Variants in MPLKIP observed in about 807,000 individuals in gnomAD.
MPLKIP encodes the protein M-phase-specific PLK1-interacting protein.
In MPLKIP, 16 loss-of-function variants were observed where a neutral mutation model predicts 16.9. The ratio of observed to expected loss-of-function variants is 0.94; its 90% CI spans 0.64 to 1.43. MPLKIP has a LOEUF of 1.43. MPLKIP is among the 40% of genes most tolerant of loss of function. The pLI, the probability that MPLKIP is intolerant of heterozygous loss-of-function variation, is 0.00. For synonymous variants in MPLKIP, 126 were observed against 98.4 expected (o/e 1.28, Z -1.66); for missense variants, 282 against 237.6 (o/e 1.19, Z -1.23).
rs1191124879 is a variant in MPLKIP at position 40,133,228 on chromosome 7, G to A, written c.371C>T (p.Ser124Leu). Reference sequence around the variant, plus strand: ...CATTCTTTTTTCTCTAACACGCCCTGATCCAAATGGTGTAGATGTCCTTGG... The same window carrying A: ...CATTCTTTTTTCTCTAACACGCCCTAATCCAAATGGTGTAGATGTCCTTGG... ...GSPRTSTPFG[S>L]GRVREKRMSN... is the part of the protein sequence containing the mutation. The change falls in exon 2 of 2, where the codon TCA becomes TTA. Residue 124 changes from serine to leucine, a missense_variant. Ser to Leu is a moderately radical substitution (Grantham distance 145, BLOSUM62 -2). Coordinates refer to ENST00000306984, the MANE Select transcript of MPLKIP (RefSeq NM_138701.4). 1 of 1,613,356 alleles carries A rather than the reference G, an allele frequency of 6.2e-7. No homozygotes were observed. The highest frequency in any genetic ancestry group is 8.5e-7 in the Non-Finnish European group (1 of 1,179,924).
rs1787404863 is a variant in MPLKIP, at chr7:40,127,349, G to C, written c.*5710C>G. The C allele has an allele frequency of 6.6e-6, 1 of 152,184 alleles. No homozygotes were observed. Among genetic ancestry groups the C allele is most frequent in the South Asian group, 2.1e-4 (1 of 4,824 alleles). 9.4% of individuals were successfully genotyped at this position (152,184 alleles called of 1,614,324 possible). The stretch of plus-strand genomic sequence containing the variant: ...GAATTGCTTGAACCCGGGAGGTGGA[G>C]GTTGCAGTGAGGCGAGATCACGCCA... On this transcript the variant is annotated 3_prime_UTR_variant, in exon 2 of 2. Coordinates refer to ENST00000306984, the MANE Select transcript of MPLKIP (RefSeq NM_138701.4).
chr7:40,133,000 T>G lies in MPLKIP; in HGVS notation c.*59A>C. 2 of 1,472,874 alleles carry G rather than the reference T, an allele frequency of 1.4e-6. No homozygotes were observed. The highest frequency in any genetic ancestry group is 1.9e-6 in the Non-Finnish European group (2 of 1,058,290). The allele number at this position is 1,472,874 out of a possible 1,614,324, so 91.2% of individuals were successfully genotyped here. A position where few individuals can be genotyped will look rare whatever the true frequency, so the allele number is the denominator to read the frequency against. ...TTGGGTAAATTTATATCAACACAACTTAAAGTTTTGTCCAAGATGTTCCTG... is the reference window on the plus strand; with the variant it reads ...TTGGGTAAATTTATATCAACACAACGTAAAGTTTTGTCCAAGATGTTCCTG... On this transcript the variant is annotated 3_prime_UTR_variant, in exon 2 of 2. Transcript: ENST00000306984.
In MPLKIP at chr7:40,134,277, G is replaced by C. The variant is rs765479830; in HGVS notation, c.291C>G (p.Ser97=). The change falls in exon 1 of 2, where the codon TCC becomes TCG. Residue 97 remains serine (S), a synonymous_variant. Transcript: ENST00000306984. ...CTGGGGAGTAGCCGAATTGCTGCTGGGACCCCGCGGGGGACCTGGAGTAGG... is the reference window on the plus strand; with the variant it reads ...CTGGGGAGTAGCCGAATTGCTGCTGCGACCCCGCGGGGGACCTGGAGTAGG... ...PGSYSRSPAG[S]QQQFGYSPGQ... 1 of 1,560,790 alleles carries C rather than the reference G, an allele frequency of 6.4e-7. No individual in the cohort carries two copies. Among genetic ancestry groups the C allele is most frequent in the Admixed American group, 1.9e-5 (1 of 52,170 alleles).
rs1787452780 is a variant in MPLKIP at position 40,130,950 on chromosome 7, A to G, written c.*2109T>C. The G allele has an allele frequency of 6.6e-6, 1 of 152,192 alleles. No homozygotes were observed. Among genetic ancestry groups the G allele is most frequent in the African/African-American group, 2.4e-5 (1 of 41,438 alleles). 9.4% of individuals were successfully genotyped at this position (152,192 alleles called of 1,614,324 possible). A position where few individuals can be genotyped will look rare whatever the true frequency, so the allele number is the denominator to read the frequency against. ...CTACTATCTTGCAGACACTATTCTA[A>G]AAACTAAGGAAATGGGGGTAAATGA... On this transcript the variant is annotated 3_prime_UTR_variant, in exon 2 of 2. Coordinates refer to ENST00000306984, the MANE Select transcript of MPLKIP (RefSeq NM_138701.4).
rs1787421039 is a variant in MPLKIP at position 40,128,528 on chromosome 7, A to G, written c.*4531T>C. 6.6e-6 allele frequency: 1 copy of G among 152,260 alleles called. No individual in the cohort carries two copies. The highest frequency in any genetic ancestry group is 2.4e-5 in the African/African-American group (1 of 41,464). 9.4% of individuals were successfully genotyped at this position (152,260 alleles called of 1,614,324 possible). The stretch of plus-strand genomic sequence containing the variant: ...TAATGTTAGTATGTCAGAAGTAAAC[A>G]TGAAACTTTTAACTTCCTCCTCCTT... On this transcript the variant is annotated 3_prime_UTR_variant, in exon 2 of 2. Transcript: ENST00000306984.
In MPLKIP at chr7:40,134,546, G is replaced by A. The variant is rs537469520; in HGVS notation, c.22C>T (p.Pro8Ser). 1 of 1,592,310 alleles carries A rather than the reference G, an allele frequency of 6.3e-7. No individual in the cohort carries two copies. MQRQNFR[P>S]PTPPYPGPGG... ...GGACCAGGGTAAGGAGGAGTTGGGG[G>A]CCGAAAATTCTGTCGCTGCATATCA... The change falls in exon 1 of 2, where the codon CCC (proline) becomes TCC (serine). Residue 8 changes from proline to serine, a missense_variant. Physicochemically the swap from Pro to Ser is moderately conservative, Grantham distance 74. Transcript: ENST00000306984.
chr7:40,134,619 T>A lies in MPLKIP; in HGVS notation c.-52A>T, dbSNP rs1248060470. On this transcript the variant is annotated 5_prime_UTR_variant, in exon 1 of 2. Transcript: ENST00000306984. Reference sequence around the variant, plus strand: ...CAGCCGCGTTCTCCCACCGGAACTGTATCAACCGGCCCTCCGCAGAGAACT... The same window carrying A: ...CAGCCGCGTTCTCCCACCGGAACTGAATCAACCGGCCCTCCGCAGAGAACT... 6 of 1,523,842 alleles carry A rather than the reference T, an allele frequency of 3.9e-6. No individual in the cohort carries two copies. The highest frequency in any genetic ancestry group is 1.4e-5 in the African/African-American group (1 of 73,002). 94.4% of individuals were successfully genotyped at this position (1,523,842 alleles called of 1,614,324 possible). A position where few individuals can be genotyped will look rare whatever the true frequency, so the allele number is the denominator to read the frequency against.
Position 40,131,910 on chromosome 7 carries a change from GT to G in MPLKIP, c.*1148del, listed in dbSNP as rs1205795009. 6.6e-6 allele frequency: 1 copy of G among 151,708 alleles called. No homozygotes were observed. Among genetic ancestry groups the G allele is most frequent in the Non-Finnish European group, 1.5e-5 (1 of 68,010 alleles). The allele number at this position is 151,708 out of a possible 1,614,324, so 9.4% of individuals were successfully genotyped here. A position where few individuals can be genotyped will look rare whatever the true frequency, so the allele number is the denominator to read the frequency against. ...AAAATACAAAAATTAGCCAGGCATG[GT>G]GACATGTGCCTGTAGTCCCAGCTAC... On this transcript the variant is annotated 3_prime_UTR_variant, in exon 2 of 2. Coordinates refer to ENST00000306984, the MANE Select transcript of MPLKIP (RefSeq NM_138701.4).
chr7:40,133,444 A>G (rs1338133845), intron 1 of MPLKIP, among the ~76,000 whole-genome samples, 185 bp from the exon 2 acceptor site: 1 of 152,212 alleles, frequency 6.6e-6, no homozygotes, highest in Non-Finnish European at 1.5e-5. Context: ...AAGTACTTAA[A>G]GCAATTCGTT....
At position 40,133,048 on chromosome 7, in the gene MPLKIP, T is replaced by C. The variant is rs1280966455; in HGVS notation, c.*11A>G. 5 of 1,612,434 alleles carry C rather than the reference T, an allele frequency of 3.1e-6. No individual in the cohort carries two copies. Among genetic ancestry groups the C allele is most frequent in the Non-Finnish European group, 4.2e-6 (5 of 1,178,868 alleles). On this transcript the variant is annotated 3_prime_UTR_variant, in exon 2 of 2. Coordinates refer to ENST00000306984, the MANE Select transcript of MPLKIP (RefSeq NM_138701.4). ...CTGACACATGAAGCTTCCAGTTGAA[T>C]TTCAGAAATGTTAACAAAAGTATCT...
rs1012265955 is a variant in MPLKIP at position 40,132,401 on chromosome 7, G to A, written c.*658C>T. 5.9e-5 allele frequency: 9 copies of A among 153,162 alleles called. No homozygotes were observed. The highest frequency in any genetic ancestry group is 1.4e-4 in the African/African-American group (6 of 41,458). The allele number at this position is 153,162 out of a possible 1,614,324, so 9.5% of individuals were successfully genotyped here. On this transcript the variant is annotated 3_prime_UTR_variant, in exon 2 of 2. Transcript: ENST00000306984. Reference sequence around the variant, plus strand: ...GAAACTAACTCCATAATGCTAAGAGGTATAGAGAAATTCAGATAGAACACT... The same window carrying A: ...GAAACTAACTCCATAATGCTAAGAGATATAGAGAAATTCAGATAGAACACT...
chr7:40,133,365 T>C (rs1265077948), intron 1 of MPLKIP, 106 bp from the exon 2 acceptor site: 5 of 975,988 alleles, frequency 5.1e-6, no homozygotes, highest in South Asian at 1.3e-5. Context: ...AAGTTGTGAC[T>C]TGAACCTAAA....
rs1787466813 is a variant in MPLKIP, at chr7:40,131,821, G to C, written c.*1238C>G. 1 of 152,124 alleles carries C rather than the reference G, an allele frequency of 6.6e-6. No homozygotes were observed. Among genetic ancestry groups the C allele is most frequent in the Admixed American group, 6.5e-5 (1 of 15,274 alleles). The allele number at this position is 152,124 out of a possible 1,614,324, so 9.4% of individuals were successfully genotyped here. A position where few individuals can be genotyped will look rare whatever the true frequency, so the allele number is the denominator to read the frequency against. ...CCACTGCACTCCAGCGTGGGCAACA[G>C]AGTGAGACCCTATTTCAAAAACAAA... On this transcript the variant is annotated 3_prime_UTR_variant, in exon 2 of 2. Coordinates refer to ENST00000306984, the MANE Select transcript of MPLKIP (RefSeq NM_138701.4).
rs2150559813 is a variant in MPLKIP at position 40,132,925 on chromosome 7, T to C, written c.*134A>G. On this transcript the variant is annotated 3_prime_UTR_variant, in exon 2 of 2. Coordinates refer to ENST00000306984, the MANE Select transcript of MPLKIP (RefSeq NM_138701.4). ...CTAATATCAACAATACCTGATACGA[T>C]GAAAAATAACAAAAAGACCTTACTA... is the stretch of plus-strand genomic sequence containing the variant. 1 of 823,170 alleles carries C rather than the reference T, an allele frequency of 1.2e-6. No individual in the cohort carries two copies. Among genetic ancestry groups the C allele is most frequent in the East Asian group, 2.7e-5 (1 of 37,576 alleles). The allele number at this position is 823,170 out of a possible 1,614,324, so 51.0% of individuals were successfully genotyped here.
rs1246108512 is a variant in MPLKIP at position 40,130,800 on chromosome 7, A to G, written c.*2259T>C. On this transcript the variant is annotated 3_prime_UTR_variant, in exon 2 of 2. Transcript: ENST00000306984. ...TATCTGGAAAGACATAATGTTGGGA[A>G]TAAGGACTTTTTCTTTAAAATACTG... is the stretch of plus-strand genomic sequence containing the variant. The G allele has an allele frequency of 6.6e-6, 1 of 152,246 alleles. No individual in the cohort carries two copies. The highest frequency in any genetic ancestry group is 1.5e-5 in the Non-Finnish European group (1 of 68,034). 9.4% of individuals were successfully genotyped at this position (152,246 alleles called of 1,614,324 possible).
rs1014032905 is a variant in MPLKIP, at chr7:40,127,559, A to G, written c.*5500T>C. Reference sequence around the variant, plus strand: ...AGCAGGATCGGTCTCAAAAAAAAGAAAAGTATTGTATGGTATTTTATCAAA... The same window carrying G: ...AGCAGGATCGGTCTCAAAAAAAAGAGAAGTATTGTATGGTATTTTATCAAA... On this transcript the variant is annotated 3_prime_UTR_variant, in exon 2 of 2. Coordinates refer to ENST00000306984, the MANE Select transcript of MPLKIP (RefSeq NM_138701.4). The G allele has an allele frequency of 6.6e-6, 1 of 152,022 alleles. No homozygotes were observed. The highest frequency in any genetic ancestry group is 6.6e-5 in the Admixed American group (1 of 15,258). The allele number at this position is 152,022 out of a possible 1,614,324, so 9.4% of individuals were successfully genotyped here. A position where few individuals can be genotyped will look rare whatever the true frequency, so the allele number is the denominator to read the frequency against.
rs964799902 is a variant in MPLKIP at position 40,130,790 on chromosome 7, A to G, written c.*2269T>C. Reference sequence around the variant, plus strand: ...GACCTCAACATATCTGGAAAGACATAATGTTGGGAATAAGGACTTTTTCTT... The same window carrying G: ...GACCTCAACATATCTGGAAAGACATGATGTTGGGAATAAGGACTTTTTCTT... On this transcript the variant is annotated 3_prime_UTR_variant, in exon 2 of 2. Transcript: ENST00000306984. 3 of 152,226 alleles carry G rather than the reference A, an allele frequency of 2.0e-5. No homozygotes were observed. The highest frequency in any genetic ancestry group is 2.9e-5 in the Non-Finnish European group (2 of 68,038). The allele number at this position is 152,226 out of a possible 1,614,324, so 9.4% of individuals were successfully genotyped here. A position where few individuals can be genotyped will look rare whatever the true frequency, so the allele number is the denominator to read the frequency against.
At position 40,129,654 on chromosome 7, in the gene MPLKIP, C is replaced by A. The variant is rs560592308; in HGVS notation, c.*3405G>T. On this transcript the variant is annotated 3_prime_UTR_variant, in exon 2 of 2. Coordinates refer to ENST00000306984, the MANE Select transcript of MPLKIP (RefSeq NM_138701.4). ...GGCAGTCAGAAGTTGGCTAAGGGGC[C>A]AAGCGTGGTGGCTCACACCTGTAAT... The A allele has an allele frequency of 5.9e-5, 9 of 152,038 alleles. No homozygotes were observed. The highest frequency in any genetic ancestry group is 2.2e-4 in the African/African-American group (9 of 41,472). 9.4% of individuals were successfully genotyped at this position (152,038 alleles called of 1,614,324 possible).
In MPLKIP at chr7:40,134,466, G is replaced by A. The variant is rs1414273633; in HGVS notation, c.102C>T (p.Gly34=). 1.3e-6 allele frequency: 2 copies of A among 1,571,120 alleles called. No homozygotes were observed. The highest frequency in any genetic ancestry group is 1.9e-5 in the Admixed American group (1 of 53,632). Residue 34 remains glycine (G), a synonymous_variant, in exon 1 of 2, where the codon GGC becomes GGT. Coordinates refer to ENST00000306984, the MANE Select transcript of MPLKIP (RefSeq NM_138701.4). ...GSSFRGTPGG[G]GPRPPSPRDG... ...CTCGAGGGGAGGGCGGCCGTGGTCC[G>A]CCCCCGCCCGGGGTTCCCCGGAAGC...
Sources: allele counts gnomAD v4.1 joint callset (sites outside exome capture counted in the v4.1 genomes callset), GRCh38; gene constraint gnomAD v4.1.1; transcripts MANE v1.5; gene names NCBI Gene and HGNC (gene_info 2026-07-23, HGNC 2026-07-21).